The following CD2AP variants were observed in gnomAD, a reference collection of about 807,000 sequenced individuals.
CD2AP encodes the protein CD2 associated protein.
CD2AP carries 46 observed loss-of-function variants against 85.1 expected under a neutral mutation model. That is an observed-to-expected ratio of 0.54 (90% CI 0.43 to 0.69). The LOEUF (loss-of-function observed/expected upper bound fraction) is 0.69. Among genes scored for constraint, CD2AP ranks in the 30% least tolerant of loss-of-function variants. The pLI, the probability that CD2AP is intolerant of heterozygous loss-of-function variation, is 0.00. For synonymous variants in CD2AP, 255 were observed against 252.9 expected, an observed-to-expected ratio of 1.01 and a Z score of -0.08; for missense variants, 769 against 729.5, an observed-to-expected ratio of 1.05 and a Z score of -0.62.
chr6:47,491,859 G>A (rs1384541383), intron 1 of CD2AP, among the ~76,000 whole-genome samples: 2 of 151,908 alleles, frequency 1.3e-5, no homozygotes, highest in African/African-American at 4.8e-5. Context: ...CCCATTAAAA[G>A]AATACCTCAC....
chr6:47,531,794 C>T (rs865872448), intron 2 of CD2AP, among the ~76,000 whole-genome samples: 12 of 151,974 alleles, frequency 7.9e-5, no homozygotes, highest in South Asian at 2.1e-4. Context: ...CCTTTTCGGC[C>T]GGGCGTGGTG....
rs200598584 is a variant in CD2AP at position 47,554,785 on chromosome 6, T to A, written c.541+19T>A. 2.5e-4 allele frequency: 399 copies of A among 1,582,878 alleles called. 1 individual carries two copies. In the African/African-American group the frequency reaches 4.6e-3, roughly 18 times the overall value. ...GATTCAGGTAGACTATTTTTTAAAATTTTTAATTGATTTAAATAAACTTTA... is the reference window on the plus strand; with the variant it reads ...GATTCAGGTAGACTATTTTTTAAAAATTTTAATTGATTTAAATAAACTTTA... On this transcript the variant is annotated intron_variant, in intron 5 of 17. Coordinates refer to ENST00000359314, the MANE Select transcript of CD2AP (RefSeq NM_012120.3).
chr6:47,492,544 C>G (rs1457192047), intron 1 of CD2AP, among the ~76,000 whole-genome samples: 1 of 151,990 alleles, frequency 6.6e-6, no homozygotes, highest in Non-Finnish European at 1.5e-5. Context: ...TAGCATCTTG[C>G]TATGTTGCCC....
At position 47,554,672 on chromosome 6, in the gene CD2AP, C is replaced by G; in HGVS notation, c.447C>G (p.Thr149=). ...TAGAAGAAGGCTGGTGGAGTGGAAC[C>G]CTGAATAACAAGTTGGGACTGTTTC... The part of the protein sequence containing the change: ...EEVEEGWWSG[T]LNNKLGLFPS... The change falls in exon 5 of 18, where the codon ACC becomes ACG. Residue 149 remains threonine, a synonymous_variant. Coordinates refer to ENST00000359314, the MANE Select transcript of CD2AP (RefSeq NM_012120.3). 6.2e-7 allele frequency: 1 copy of G among 1,613,510 alleles called. No homozygotes were observed. The highest frequency in any genetic ancestry group is 8.5e-7 in the Non-Finnish European group (1 of 1,179,698).
intron 11 of CD2AP, among the ~76,000 whole-genome samples, chr6:47,589,379 T>TATATACACACACACACACAC (rs144886557): frequency 6.2e-4 from 86 of 139,436 alleles, no homozygotes; most frequent in African/African-American, 2.2e-3. Context: ...CTCTTGAATA[T>TATATACACACACACACACAC]ACACACACAC....
chr6:47,626,833 G>C lies in CD2AP; in HGVS notation c.*2606G>C, dbSNP rs1275793040. 2 of 152,452 alleles carry C rather than the reference G, an allele frequency of 1.3e-5. No homozygotes were observed. Among genetic ancestry groups the C allele is most frequent in the African/African-American group, 4.8e-5 (2 of 41,432 alleles). The allele number at this position is 152,452 out of a possible 1,614,324, so 9.4% of individuals were successfully genotyped here. A position where few individuals can be genotyped will look rare whatever the true frequency, so the allele number is the denominator to read the frequency against. On this transcript the variant is annotated 3_prime_UTR_variant, in exon 18 of 18. Transcript: ENST00000359314. ...TGAGACAATCAGTTAAATCAGAAATGAGAAGTATTATAATGTAAAGGCCTT... is the reference window on the plus strand; with the variant it reads ...TGAGACAATCAGTTAAATCAGAAATCAGAAGTATTATAATGTAAAGGCCTT...
intron 6 of CD2AP, among the ~76,000 whole-genome samples, chr6:47,575,215 T>A (rs1225221570): frequency 6.6e-6 from 1 of 152,174 alleles, no homozygotes; most frequent in African/African-American, 2.4e-5. Flanking sequence ...AGGTAAAGTT[T>A]GGAATTCTCA....
chr6:47,517,880 A>G (rs564656259), intron 2 of CD2AP, among the ~76,000 whole-genome samples: 7 of 152,334 alleles, frequency 4.6e-5, no homozygotes, highest in African/African-American at 7.2e-5. Flanking sequence ...TGAGTATCCA[A>G]TGAGATGATG....
intron 4 of CD2AP, 35 bp from the exon 5 acceptor site, chr6:47,554,611 A>G: frequency 6.2e-7 from 1 of 1,612,464 alleles, no homozygotes; most frequent in Non-Finnish European, 8.5e-7. Flanking sequence ...ACTTAACAGA[A>G]GTTGTTTTTG....
At position 47,477,954 on chromosome 6, in the gene CD2AP, G is replaced by C. The variant is rs904758722; in HGVS notation, c.-291G>C. 19 of 516,422 alleles carry C rather than the reference G, an allele frequency of 3.7e-5. No homozygotes were observed. The African/African-American group carries it at 3.9e-4, about 11-fold the overall frequency. The allele number at this position is 516,422 out of a possible 1,614,324, so 32.0% of individuals were successfully genotyped here. A position where few individuals can be genotyped will look rare whatever the true frequency, so the allele number is the denominator to read the frequency against. ...CCCACTGCGGGAGCGGCCAGGGTGG[G>C]AAAACCGCGGTCGGGCGGGCGGGGT... On this transcript the variant is annotated 5_prime_UTR_variant, in exon 1 of 18. Transcript: ENST00000359314.
At chr6:47,574,743 G>A (rs148729751) in intron 6 of CD2AP, among the ~76,000 whole-genome samples, 89 of 152,066 alleles carry the variant, frequency 5.9e-4, no homozygotes, top group Non-Finnish European at 1.1e-3. Flanking sequence ...CTTTGAATGT[G>A]TGGAGTATTT....
chr6:47,579,961 A>C (rs1768427734), intron 9 of CD2AP: 1 of 164,976 alleles, frequency 6.1e-6, no homozygotes, highest in Admixed American at 6.0e-5. Flanking sequence ...GTCATTCATC[A>C]GTGGTCTTTT....
chr6:47,566,633 A>G (rs890573655), intron 5 of CD2AP, among the ~76,000 whole-genome samples: 1 of 151,566 alleles, frequency 6.6e-6, no homozygotes, highest in Non-Finnish European at 1.5e-5. Flanking sequence ...TCACCCCTCA[A>G]CAGGTCCTGG....
chr6:47,510,104 A>G (rs2113991519), intron 2 of CD2AP, among the ~76,000 whole-genome samples: 1 of 152,316 alleles, frequency 6.6e-6, no homozygotes, highest in South Asian at 2.1e-4. Flanking sequence ...TAGGTAATAG[A>G]GAAAAGTTTA....
chr6:47,587,259 T>C (rs1450950493), intron 11 of CD2AP, among the ~76,000 whole-genome samples: 2 of 152,166 alleles, frequency 1.3e-5, no homozygotes, highest in African/African-American at 4.8e-5. Context: ...CTCATGATCT[T>C]AGGTTCCATG....
intron 3 of CD2AP, among the ~76,000 whole-genome samples, chr6:47,535,031 A>G (rs987751607): frequency 1.3e-5 from 2 of 152,144 alleles, no homozygotes; most frequent in African/African-American, 4.8e-5. Context: ...TCCCGGGCTC[A>G]AGTGATTTGC....
intron 11 of CD2AP, among the ~76,000 whole-genome samples, chr6:47,583,925 T>C (rs1768551570): frequency 1.3e-5 from 2 of 152,226 alleles, no homozygotes; most frequent in Admixed American, 1.3e-4. Context: ...CAGCATTTGG[T>C]ATTTTAAGTG....
chr6:47,557,866 G>C (rs979682584), intron 5 of CD2AP, among the ~76,000 whole-genome samples: 3 of 152,202 alleles, frequency 2.0e-5, no homozygotes, highest in African/African-American at 7.2e-5. Flanking sequence ...TGTGAAGAAA[G>C]TCAGTGGTAG....
intron 1 of CD2AP, among the ~76,000 whole-genome samples, chr6:47,495,177 A>G (rs1765827913): frequency 6.6e-6 from 1 of 152,044 alleles, no homozygotes. Context: ...AGAGAGAGAG[A>G]AATAGTCTTT....
Sources: allele counts gnomAD v4.1 joint callset (sites outside exome capture counted in the v4.1 genomes callset), GRCh38; gene constraint gnomAD v4.1.1; transcripts MANE v1.5; gene names NCBI Gene and HGNC (gene_info 2026-07-23, HGNC 2026-07-21).